PDE11A: variants seen among roughly 807,000 people sequenced by gnomAD.
PDE11A encodes the protein dual 3',5'-cyclic-AMP and -GMP phosphodiesterase 11A.
PDE11A carries 100 observed loss-of-function variants against 100.5 expected under a neutral mutation model. The ratio of observed to expected loss-of-function variants is 1.00; its 90% CI spans 0.85 to 1.18. The LOEUF is 1.18. Ranked by LOEUF, PDE11A falls within the 50% of genes most tolerant of loss-of-function variation. The probability of loss-of-function intolerance (pLI) is 0.00; values close to 1 mark genes in which losing one functional copy is unlikely to be tolerated. For missense variants in PDE11A, 1,141 were observed against 1,152.6 expected (o/e 0.99, Z 0.15); for synonymous variants, 381 against 420.8 (o/e 0.91, Z 1.16).
intron 5 of PDE11A, among the ~76,000 whole-genome samples, chr2:177,857,436 C>T (rs979676789): frequency 3.3e-5 from 5 of 152,046 alleles, no homozygotes; most frequent in Middle Eastern, 3.4e-3. Context: ...CTTTTTTCTA[C>T]TATCTCATTT....
At chr2:177,908,934 C>T (rs2084832704) in intron 2 of PDE11A, among the ~76,000 whole-genome samples, 1 of 152,180 alleles carries the variant, frequency 6.6e-6, no homozygotes, top group Non-Finnish European at 1.5e-5. Flanking sequence ...GTACAATGTA[C>T]TATCAAGAAA....
rs2080750792 is a variant in PDE11A at position 177,675,251 on chromosome 2, T to C, written c.2487+204A>G. 2.4e-5 allele frequency among the ~76,000 whole-genome samples: 3 copies of C among 125,432 alleles called. No homozygotes were observed. In the South Asian group the frequency reaches 8.9e-4, roughly 37 times the overall value. 82.3% of individuals were successfully genotyped at this position (125,432 alleles called of 152,430 possible). A position where few individuals can be genotyped will look rare whatever the true frequency, so the allele number is the denominator to read the frequency against. ...CAGAGTCAGAAATACTATTGCTTAGTGAAAGCACGATAAAAAAAAAAAAAA... is the reference window on the plus strand; with the variant it reads ...CAGAGTCAGAAATACTATTGCTTAGCGAAAGCACGATAAAAAAAAAAAAAA... On this transcript the variant is annotated intron_variant, in intron 17 of 19. Coordinates refer to ENST00000286063, the MANE Select transcript of PDE11A (RefSeq NM_016953.4).
At chr2:177,823,724 A>C (rs549947131) in intron 6 of PDE11A, among the ~76,000 whole-genome samples, 10 of 152,316 alleles carry the variant, frequency 6.6e-5, no homozygotes, top group African/African-American at 2.4e-4. Flanking sequence ...GAAGAGAAGA[A>C]AGCCAATTTT....
At chr2:177,888,015 T>C (rs1336997174) in intron 4 of PDE11A, among the ~76,000 whole-genome samples, 6 of 152,014 alleles carry the variant, frequency 3.9e-5, no homozygotes, top group Non-Finnish European at 8.8e-5. Context: ...GTCATGTAAG[T>C]TAATAAATGT....
intron 5 of PDE11A, among the ~76,000 whole-genome samples, chr2:177,844,780 C>T (rs2083553971): frequency 6.6e-6 from 1 of 151,168 alleles, no homozygotes. Context: ...TTTAACAAAG[C>T]ACATCTTGCA....
intron 5 of PDE11A, among the ~76,000 whole-genome samples, chr2:177,863,274 T>C (rs1300414826): frequency 1.3e-5 from 2 of 151,948 alleles, no homozygotes; most frequent in Non-Finnish European, 2.9e-5. Context: ...GCCTTGGTCA[T>C]GATTTTTTGA....
intron 9 of PDE11A, among the ~76,000 whole-genome samples, chr2:177,806,186 G>A (rs79270066): frequency 0.011 from 1,638 of 152,174 alleles, 15 homozygotes; most frequent in East Asian, 0.059. Context: ...GATGAGTGCA[G>A]AGCCAGAAAA....
At chr2:177,936,987 C>A (rs1252460087) in intron 2 of PDE11A, among the ~76,000 whole-genome samples, 1 of 151,802 alleles carries the variant, frequency 6.6e-6, no homozygotes, top group Non-Finnish European at 1.5e-5. Flanking sequence ...TTTGATACTT[C>A]TCGGAGCTTC....
intron 2 of PDE11A, among the ~76,000 whole-genome samples, chr2:178,103,223 T>C (rs2087581296): frequency 6.6e-6 from 1 of 152,120 alleles, no homozygotes; most frequent in Admixed American, 6.6e-5. Context: ...TGCTACAATT[T>C]AGATGGGCCT....
chr2:177,638,389 T>G (rs907981156), intron 19 of PDE11A, among the ~76,000 whole-genome samples: 1 of 152,238 alleles, frequency 6.6e-6, no homozygotes, highest in African/African-American at 2.4e-5. Context: ...CCCTTAATCA[T>G]GCTCAATCTT....
At chr2:177,851,983 A>C (rs926735765) in intron 5 of PDE11A, among the ~76,000 whole-genome samples, 1 of 151,974 alleles carries the variant, frequency 6.6e-6, no homozygotes, top group Admixed American at 6.6e-5. Flanking sequence ...TCCCACTTAT[A>C]AGGGAGAGCA....
At chr2:178,085,516 T>C (rs1412566214) in intron 2 of PDE11A, among the ~76,000 whole-genome samples, 2 of 147,920 alleles carry the variant, frequency 1.4e-5, no homozygotes, top group Non-Finnish European at 3.0e-5. Context: ...ATGTACCCTA[T>C]GTACCTAAAA....
chr2:177,789,027 T>G (rs2082586484), intron 9 of PDE11A, among the ~76,000 whole-genome samples: 1 of 152,210 alleles, frequency 6.6e-6, no homozygotes, highest in African/African-American at 2.4e-5. Flanking sequence ...GAATTCTCCC[T>G]AACTCATTTT....
intron 9 of PDE11A, among the ~76,000 whole-genome samples, chr2:177,811,003 C>T (rs887724594): frequency 6.6e-6 from 1 of 152,104 alleles, no homozygotes; most frequent in East Asian, 1.9e-4. Context: ...AAGCTGTATG[C>T]AGTGTCCCTT....
chr2:177,656,818 A>G (rs1411872384), intron 19 of PDE11A, among the ~76,000 whole-genome samples: 1 of 152,196 alleles, frequency 6.6e-6, no homozygotes, highest in Admixed American at 6.5e-5. Context: ...CACATATGAG[A>G]GCGAGGAGGC....
intron 12 of PDE11A, among the ~76,000 whole-genome samples, chr2:177,718,273 A>G (rs2081473236): frequency 6.6e-6 from 1 of 152,224 alleles, no homozygotes; most frequent in African/African-American, 2.4e-5. Context: ...CCAGGTTACA[A>G]GACTACAAAG....
At chr2:178,058,771 G>C (rs2086930315) in intron 1 of PDE11A, among the ~76,000 whole-genome samples, 1 of 152,168 alleles carries the variant, frequency 6.6e-6, no homozygotes, top group Non-Finnish European at 1.5e-5. Context: ...GTCTAATGGA[G>C]AGAAAGACAG....
At chr2:177,786,165 C>T (rs943253358) in intron 9 of PDE11A, among the ~76,000 whole-genome samples, 8 of 152,188 alleles carry the variant, frequency 5.3e-5, no homozygotes, top group Admixed American at 1.3e-4. Flanking sequence ...ACACCTCACA[C>T]GGCCGGGTAC....
intron 4 of PDE11A, among the ~76,000 whole-genome samples, chr2:177,894,299 A>C (rs1414836311): frequency 1.3e-5 from 2 of 152,090 alleles, no homozygotes; most frequent in East Asian, 1.9e-4. Context: ...CTTTACCCCA[A>C]ACTTCTCCCA....
Sources: allele counts gnomAD v4.1 joint callset (sites outside exome capture counted in the v4.1 genomes callset), GRCh38; gene constraint gnomAD v4.1.1; transcripts MANE v1.5; gene names NCBI Gene and HGNC (gene_info 2026-07-23, HGNC 2026-07-21).